PPP3CA: variants seen among roughly 807,000 people sequenced by gnomAD.
PPP3CA encodes CAM-PRP catalytic subunit.
PPP3CA carries 14 observed loss-of-function variants against 66.5 expected under a neutral mutation model. The ratio of observed to expected loss-of-function variants is 0.21; its 90% CI spans 0.14 to 0.33. PPP3CA has a LOEUF of 0.33. PPP3CA is among the 10% of genes least tolerant of loss of function. The pLI is 1.00. For missense variants in PPP3CA, 317 were observed against 639.5 expected (o/e 0.50, Z 5.44); for synonymous variants, 232 against 226.2 (o/e 1.03, Z -0.23).
chr4:101,261,302 A>G (rs1388866699), intron 1 of PPP3CA, among the ~76,000 whole-genome samples: 1 of 152,080 alleles, frequency 6.6e-6, no homozygotes, highest in Non-Finnish European at 1.5e-5. Context: ...TCAGTTTTCA[A>G]TCACAGTATT....
intron 11 of PPP3CA, among the ~76,000 whole-genome samples, chr4:101,039,106 TC>T (rs1184465746): frequency 8.3e-6 from 1 of 119,866 alleles, no homozygotes; most frequent in Non-Finnish European, 2.0e-5. Context: ...TACGCCTTTG[TC>T]CCCACAGAAC....
chr4:101,136,913 T>C (rs928410838), intron 2 of PPP3CA, among the ~76,000 whole-genome samples: 8 of 152,256 alleles, frequency 5.3e-5, no homozygotes, highest in East Asian at 3.9e-4. Context: ...GTTCCAACAA[T>C]GCTTATAACT....
intron 1 of PPP3CA, among the ~76,000 whole-genome samples, chr4:101,249,204 G>A (rs1281891120): frequency 6.6e-6 from 1 of 151,792 alleles, no homozygotes; most frequent in Non-Finnish European, 1.5e-5. Context: ...ACTGCTTTTG[G>A]GGATTTTAAA....
chr4:101,116,575 T>C (rs1328178572), intron 2 of PPP3CA, among the ~76,000 whole-genome samples: 1 of 151,838 alleles, frequency 6.6e-6, no homozygotes, highest in Non-Finnish European at 1.5e-5. Flanking sequence ...AAGTGGATGG[T>C]AAGTTCAAGT....
intron 2 of PPP3CA, among the ~76,000 whole-genome samples, chr4:101,111,864 CA>C (rs1464795846): frequency 6.6e-6 from 1 of 152,114 alleles, no homozygotes; most frequent in Non-Finnish European, 1.5e-5. Context: ...AATGGCATTT[CA>C]AAATGGCTGT....
chr4:101,140,644 T>C (rs1722774331), intron 2 of PPP3CA, among the ~76,000 whole-genome samples: 1 of 152,196 alleles, frequency 6.6e-6, no homozygotes, highest in Non-Finnish European at 1.5e-5. Flanking sequence ...CTCAAAGTCC[T>C]TTTTTTGAAG....
Position 101,029,182 on chromosome 4 carries a change from A to G in PPP3CA, c.1353T>C (p.Ala451=). The change falls in exon 13 of 14, where the codon GCT becomes GCC. Residue 451 remains alanine (A), a synonymous_variant. Transcript: ENST00000394854. Reference sequence around the variant, plus strand: ...CCAATTTACCTTCATCAGCCTCAATAGCCTCAACAGTAGCTGAAGAGAAGA... The same window carrying G: ...CCAATTTACCTTCATCAGCCTCAATGGCCTCAACAGTAGCTGAAGAGAAGA... ...KQTLQSATVE[A]IEADEAIKGF... 1 of 1,608,380 alleles carries G rather than the reference A, an allele frequency of 6.2e-7. No individual in the cohort carries two copies. The highest frequency in any genetic ancestry group is 1.3e-5 in the African/African-American group (1 of 74,842).
At chr4:101,241,903 C>A (rs998306685) in intron 1 of PPP3CA, among the ~76,000 whole-genome samples, 1 of 152,000 alleles carries the variant, frequency 6.6e-6, no homozygotes, top group South Asian at 2.1e-4. Context: ...AGTACATGAC[C>A]AAAATAGTAT....
At chr4:101,109,113 A>G (rs1721559006) in intron 2 of PPP3CA, 35 bp from the exon 3 acceptor site, 1 of 1,578,622 alleles carries the variant, frequency 6.3e-7, no homozygotes, top group Non-Finnish European at 8.6e-7. Context: ...TGGTCATATT[A>G]TGTTAGGACT....
intron 2 of PPP3CA, among the ~76,000 whole-genome samples, chr4:101,169,533 A>G (rs748551169): frequency 6.6e-6 from 1 of 152,204 alleles, no homozygotes; most frequent in Non-Finnish European, 1.5e-5. Flanking sequence ...AAAAGCAATC[A>G]CGGTAATGGC....
intron 1 of PPP3CA, among the ~76,000 whole-genome samples, chr4:101,209,995 G>T: frequency 6.6e-6 from 1 of 152,158 alleles, no homozygotes; most frequent in East Asian, 1.9e-4. Context: ...ATCGAATAAA[G>T]GGTTTAGGAG....
At chr4:101,273,833 C>T (rs564458103) in intron 1 of PPP3CA, among the ~76,000 whole-genome samples, 2 of 151,262 alleles carry the variant, frequency 1.3e-5, no homozygotes, top group Non-Finnish European at 2.9e-5. Context: ...ATAAAACGGT[C>T]AACATTGCAA....
chr4:101,149,129 T>C (rs1325965850), intron 2 of PPP3CA, among the ~76,000 whole-genome samples: 2 of 152,190 alleles, frequency 1.3e-5, no homozygotes, highest in African/African-American at 4.8e-5. Context: ...TAATCACATG[T>C]AACATAAACT....
intron 1 of PPP3CA, among the ~76,000 whole-genome samples, chr4:101,334,921 A>T (rs1729576610): frequency 6.6e-6 from 1 of 152,208 alleles, no homozygotes; most frequent in Non-Finnish European, 1.5e-5. Context: ...ATACACACAT[A>T]TGTAATTTCC....
In PPP3CA at chr4:101,256,839, G is replaced by A. The variant is rs185669713; in HGVS notation, c.59-60723C>T. On this transcript the variant is annotated intron_variant, in intron 1 of 13. Coordinates refer to ENST00000394854, the MANE Select transcript of PPP3CA (RefSeq NM_000944.5). ...GGACAAAAGAAAATAAGCATTTAACGTTTCCCATCTATGAAGTAAAGCACT... is the reference window on the plus strand; with the variant it reads ...GGACAAAAGAAAATAAGCATTTAACATTTCCCATCTATGAAGTAAAGCACT... Among the ~76,000 whole-genome samples the A allele has an allele frequency of 1.1e-3, 160 of 152,006 alleles. 1 individual carries two copies. Among genetic ancestry groups the A allele is most frequent in the African/African-American group, 3.6e-3 (149 of 41,498 alleles).
intron 1 of PPP3CA, among the ~76,000 whole-genome samples, chr4:101,290,649 C>G (rs1040835919): frequency 7.2e-5 from 11 of 152,120 alleles, no homozygotes; most frequent in African/African-American, 2.7e-4. Context: ...CAAGGAGAGA[C>G]AGACAACCCA....
intron 2 of PPP3CA, among the ~76,000 whole-genome samples, chr4:101,169,958 G>C (rs72681049): frequency 0.083 from 12,567 of 152,212 alleles, 651 homozygotes; most frequent in Non-Finnish European, 0.12. Flanking sequence ...AATTTAGGCA[G>C]CTAATTATCA....
chr4:101,131,119 C>T (rs1477119445), intron 2 of PPP3CA, among the ~76,000 whole-genome samples: 1 of 151,932 alleles, frequency 6.6e-6, no homozygotes, highest in Non-Finnish European at 1.5e-5. Flanking sequence ...GGCCTATATT[C>T]CCAGCTCTTG....
chr4:101,291,330 G>C (rs1728016927), intron 1 of PPP3CA, among the ~76,000 whole-genome samples: 1 of 152,182 alleles, frequency 6.6e-6, no homozygotes, highest in African/African-American at 2.4e-5. Context: ...GGTTTCCTAT[G>C]ACTTGCAACC....
Sources: gnomAD v4.1 joint callset for allele counts (sites outside exome capture counted in the v4.1 genomes callset) on GRCh38, gnomAD v4.1.1 for gene constraint, MANE v1.5 for transcripts, NCBI Gene and HGNC (gene_info 2026-07-23, HGNC 2026-07-21) for gene names.